CCND3: variants seen among roughly 807,000 people sequenced by gnomAD.
The protein encoded by CCND3 is G1/S-specific cyclin-D3.
Under a neutral mutation model 28.7 loss-of-function variants are expected in CCND3, and 9 were observed. The ratio of observed to expected loss-of-function variants is 0.31; its 90% CI spans 0.19 to 0.55. CCND3 has a LOEUF of 0.55. CCND3 is among the 20% of genes least tolerant of loss of function. The pLI, the probability that CCND3 is intolerant of heterozygous loss-of-function variation, is 0.93. For missense variants in CCND3, 315 were observed against 385.8 expected, an observed-to-expected ratio of 0.82 and a Z score of 1.54; for synonymous variants, 164 against 163.9, an observed-to-expected ratio of 1.00 and a Z score of 0.00.
At chr6:42,027,398 C>T (rs1378680703) in intron 1 of CCND3, among the ~76,000 whole-genome samples, 1 of 151,704 alleles carries the variant, frequency 6.6e-6, no homozygotes, top group South Asian at 2.1e-4. Flanking sequence ...CGAGATCGCG[C>T]CACTGCACTC....
At chr6:41,958,231 A>G (rs951809779) in intron 1 of CCND3, among the ~76,000 whole-genome samples, 1 of 152,004 alleles carries the variant, frequency 6.6e-6, no homozygotes, top group African/African-American at 2.4e-5. Flanking sequence ...TCCTGACTCC[A>G]AGTGATTCGC....
At chr6:42,019,544 C>T (rs1425687084) in intron 1 of CCND3, among the ~76,000 whole-genome samples, 2 of 149,666 alleles carry the variant, frequency 1.3e-5, no homozygotes, top group Non-Finnish European at 3.0e-5. Context: ...GCAAAATGGT[C>T]CTAACTTTGT....
At chr6:41,990,673 T>A (rs2127416133) in intron 1 of CCND3, among the ~76,000 whole-genome samples, 2 of 138,866 alleles carry the variant, frequency 1.4e-5, no homozygotes, top group South Asian at 2.4e-4. Context: ...TTTTTTTTTT[T>A]TTTTTTTTTT....
At chr6:41,956,835 T>C (rs995515435) in intron 1 of CCND3, among the ~76,000 whole-genome samples, 1 of 151,748 alleles carries the variant, frequency 6.6e-6, no homozygotes, top group Admixed American at 6.6e-5. Flanking sequence ...GAGACCATCC[T>C]GGCTAACACA....
intron 1 of CCND3, among the ~76,000 whole-genome samples, chr6:42,027,908 C>T (rs1162935291): frequency 2.6e-5 from 4 of 152,192 alleles, no homozygotes; most frequent in South Asian, 4.1e-4. Context: ...CCACCACACC[C>T]GGCTAATTTT....
intron 1 of CCND3, among the ~76,000 whole-genome samples, chr6:42,015,384 G>A (rs906568218): frequency 9.9e-5 from 15 of 152,058 alleles, no homozygotes; most frequent in Non-Finnish European, 5.9e-5. Context: ...TTCAGGTCCT[G>A]CAACTACCCT....
At chr6:42,022,059 C>G (rs1208286257) in intron 1 of CCND3, among the ~76,000 whole-genome samples, 1 of 152,190 alleles carries the variant, frequency 6.6e-6, no homozygotes, top group East Asian at 1.9e-4. Context: ...ATGGGGAAAT[C>G]ACTGCTCTGT....
At chr6:42,035,388 G>A (rs1294777024) in intron 1 of CCND3, among the ~76,000 whole-genome samples, 1 of 151,782 alleles carries the variant, frequency 6.6e-6, no homozygotes, top group Non-Finnish European at 1.5e-5. Context: ...CTTTTTTTGA[G>A]ACGGAGTCTC....
chr6:41,937,530 T>TA, intron 2 of CCND3, 136 bp from the exon 3 acceptor site: 1 of 1,021,554 alleles, frequency 9.8e-7, no homozygotes, highest in Non-Finnish European at 1.4e-6. Context: ...TTTCTGATTT[T>TA]AAGGCCGGGC....
chr6:41,946,045 G>T (rs114889906), upstream of CCND3, among the ~76,000 whole-genome samples: 219 of 152,146 alleles, frequency 1.4e-3, no homozygotes, highest in African/African-American at 5.2e-3. Flanking sequence ...TAAACGCATG[G>T]TCTAGCGTAT....
In CCND3 at chr6:42,034,720, C is replaced by T. The variant is rs574497094; in HGVS notation, c.-46+13781G>A. On this transcript the variant is annotated intron_variant, in intron 1 of 4. Coordinates refer to the CCND3 transcript ENST00000372988. ...GTCTCAATCTCCTGACCTAGTGATC[C>T]GGCCGCCTCGGCCTCCCAAAGTGCT... Among the ~76,000 whole-genome samples the T allele has an allele frequency of 3.3e-5, 5 of 152,042 alleles. No individual in the cohort carries two copies. The East Asian group carries it at 9.7e-4, about 29-fold the overall frequency.
chr6:42,004,054 T>TTATATA (rs1229721512), intron 1 of CCND3, among the ~76,000 whole-genome samples: 1 of 146,560 alleles, frequency 6.8e-6, no homozygotes, highest in East Asian at 2.0e-4. Flanking sequence ...ATCTTAAAAG[T>TTATATA]TATATATATA....
rs778245455 is a variant in CCND3, at chr6:41,940,546, G to A, written c.238C>T (p.Leu80=). The change falls in exon 2 of 5, where the codon CTG becomes TTG. Residue 80 remains leucine, a synonymous_variant. Transcript: ENST00000372991. ...TAGCGATCCAGGTAGTTCATGGCCA[G>A]GGGGAAGACTTCCTCCTCACAGCGC... ...EQRCEEEVFP[L]AMNYLDRYLS... The A allele has an allele frequency of 1.2e-6, 2 of 1,613,936 alleles. No homozygotes were observed. Among genetic ancestry groups the A allele is most frequent in the South Asian group, 2.2e-5 (2 of 91,080 alleles).
Position 41,972,767 on chromosome 6 carries a change from A to G in CCND3, c.-45-32182T>C, listed in dbSNP as rs114019813. 9.8e-3 allele frequency among the ~76,000 whole-genome samples: 1,498 copies of G among 152,098 alleles called. 26 individuals are homozygous for G. Among genetic ancestry groups the G allele is most frequent in the African/African-American group, 0.034 (1,421 of 41,514 alleles). On this transcript the variant is annotated intron_variant, in intron 1 of 4. Transcript: ENST00000372988. Reference sequence around the variant, plus strand: ...TGCAGTGGCTCATGGCTGTAATCCTAGCCCTTTGGAAGGCTGAGATGGGAG... The same window carrying G: ...TGCAGTGGCTCATGGCTGTAATCCTGGCCCTTTGGAAGGCTGAGATGGGAG...
intron 1 of CCND3, among the ~76,000 whole-genome samples, chr6:42,022,457 G>A (rs1272390991): frequency 6.6e-6 from 1 of 152,232 alleles, no homozygotes; most frequent in Non-Finnish European, 1.5e-5. Flanking sequence ...AACAATCGTT[G>A]TATTACCACT....
intron 1 of CCND3, among the ~76,000 whole-genome samples, chr6:41,951,575 C>CACACACAAAAAA (rs1238860882): frequency 1.4e-5 from 1 of 70,152 alleles, no homozygotes; most frequent in East Asian, 4.9e-4. Flanking sequence ...CACACACACA[C>CACACACAAAAAA]AAAAAAAAAG....
At chr6:42,030,965 G>A (rs1197603932) in intron 1 of CCND3, among the ~76,000 whole-genome samples, 1 of 152,088 alleles carries the variant, frequency 6.6e-6, no homozygotes. Flanking sequence ...GTGGGAATTG[G>A]GGGTGGGGTC....
At chr6:41,940,864 C>T (rs755706343) in intron 1 of CCND3, 15 of 1,272,642 alleles carry the variant, frequency 1.2e-5, no homozygotes, top group Non-Finnish European at 1.7e-5. Flanking sequence ...TCCCCTCCCC[C>T]ACAGCGAGGG....
At chr6:42,041,319 G>C (rs905514124) in intron 1 of CCND3, among the ~76,000 whole-genome samples, 15 of 152,232 alleles carry the variant, frequency 9.9e-5, no homozygotes, top group African/African-American at 2.7e-4. Flanking sequence ...GGATATGAGA[G>C]AAAAACTCAG....
Sources: gnomAD v4.1 joint callset for allele counts (sites outside exome capture counted in the v4.1 genomes callset) on GRCh38, gnomAD v4.1.1 for gene constraint, MANE v1.5 for transcripts, NCBI Gene and HGNC (gene_info 2026-07-23, HGNC 2026-07-21) for gene names.